The following MYO1E variants were observed in gnomAD, a reference collection of about 807,000 sequenced individuals.
The protein encoded by MYO1E is myosin IE, also known as unconventional myosin-Ie.
A neutral mutation model predicts 151.1 loss-of-function variants in MYO1E; 68 were observed. The ratio of observed to expected loss-of-function variants is 0.45; its 90% CI spans 0.37 to 0.55. The LOEUF (loss-of-function observed/expected upper bound fraction) is 0.55. Ranked by LOEUF, MYO1E falls within the 20% of genes least tolerant of loss-of-function variation. The pLI is 0.00. For synonymous variants in MYO1E, 601 were observed against 501.7 expected, an observed-to-expected ratio of 1.20 and a Z score of -2.64; for missense variants, 1,363 against 1,389.3, an observed-to-expected ratio of 0.98 and a Z score of 0.30.
intron 18 of MYO1E, among the ~76,000 whole-genome samples, chr15:59,187,682 G>A (rs185432778): frequency 6.6e-5 from 10 of 152,294 alleles, no homozygotes; most frequent in Admixed American, 5.2e-4. Flanking sequence ...AACAACTGAC[G>A]TTTATCAACT....
chr15:59,189,161 G>A (rs1198681694), intron 17 of MYO1E, among the ~76,000 whole-genome samples: 2 of 152,070 alleles, frequency 1.3e-5, no homozygotes, highest in East Asian at 3.9e-4. Context: ...CCAGGCTCAG[G>A]TGATCCTCCT....
Position 59,314,007 on chromosome 15 carries a change from A to G in MYO1E, c.4-41558T>C, listed in dbSNP as rs538788372. On this transcript the variant is annotated intron_variant, in intron 1 of 27. Transcript: ENST00000288235. Reference sequence around the variant, plus strand: ...TGCCAGCTAAACCTGCTCTGCAAACACAAGTGACTGCATCATTCATGCTTT... The same window carrying G: ...TGCCAGCTAAACCTGCTCTGCAAACGCAAGTGACTGCATCATTCATGCTTT... Among the ~76,000 whole-genome samples the G allele has an allele frequency of 2.5e-4, 38 of 152,346 alleles. 1 individual carries two copies. Among genetic ancestry groups the G allele is most frequent in the African/African-American group, 8.4e-4 (35 of 41,584 alleles).
At chr15:59,224,096 A>G (rs1000705087) in intron 8 of MYO1E, among the ~76,000 whole-genome samples, 1 of 152,230 alleles carries the variant, frequency 6.6e-6, no homozygotes, top group Non-Finnish European at 1.5e-5. Flanking sequence ...TTTGAGGCCA[A>G]GTGGGTGTTC....
rs2079372178 is a variant in MYO1E at position 59,136,258 on chromosome 15, C to CTATT, written c.*1118_*1121dup. The CTATT allele has an allele frequency of 6.4e-6, 1 of 155,872 alleles. No individual in the cohort carries two copies. Among genetic ancestry groups the CTATT allele is most frequent in the Non-Finnish European group, 1.4e-5 (1 of 70,038 alleles). 9.7% of individuals were successfully genotyped at this position (155,872 alleles called of 1,614,324 possible). On this transcript the variant is annotated 3_prime_UTR_variant, in exon 28 of 28. Transcript: ENST00000288235. ...TTTGTTTGTTTGCTCCATAAAGACT[C>CTATT]TATTTCCAAATAAGGTCATATTGTG... is the stretch of plus-strand genomic sequence containing the variant.
At chr15:59,245,833 T>C (rs1277757183) in intron 4 of MYO1E, among the ~76,000 whole-genome samples, 1 of 152,232 alleles carries the variant, frequency 6.6e-6, no homozygotes, top group African/African-American at 2.4e-5. Context: ...GGCCACATTG[T>C]CAAGATCTTG....
At chr15:59,293,841 G>A (rs982626350) in intron 1 of MYO1E, among the ~76,000 whole-genome samples, 5 of 152,154 alleles carry the variant, frequency 3.3e-5, no homozygotes, top group Non-Finnish European at 5.9e-5. Flanking sequence ...CTAGGAGTTT[G>A]AGACTAGCCT....
intron 18 of MYO1E, among the ~76,000 whole-genome samples, chr15:59,183,292 G>A (rs2079675501): frequency 6.6e-6 from 1 of 151,750 alleles, no homozygotes; most frequent in Non-Finnish European, 1.5e-5. Flanking sequence ...TTTCAGAACT[G>A]GTTTCTCAAA....
Position 59,256,343 on chromosome 15 carries a change from A to T in MYO1E, c.273T>A (p.Leu91=). 6.2e-7 allele frequency: 1 copy of T among 1,612,868 alleles called. No homozygotes were observed. The highest frequency in any genetic ancestry group is 8.5e-7 in the Non-Finnish European group (1 of 1,179,038). The change falls in exon 4 of 28, where the codon CTT becomes CTA. Residue 91 remains leucine, a synonymous_variant. Coordinates refer to ENST00000288235, the MANE Select transcript of MYO1E (RefSeq NM_004998.4). ...QYENPPHIYA[L]ADNMYRNMII... ...TCATGTTTCTGTACATATTATCTGC[A>T]AGGGCATAGATATGTGGTGGGTTTT...
chr15:59,205,964 C>T lies in MYO1E; in HGVS notation c.1531-479G>A, dbSNP rs566227840. 6.0e-4 allele frequency among the ~76,000 whole-genome samples: 92 copies of T among 152,116 alleles called. 2 individuals carry two copies. The highest frequency in any genetic ancestry group is 6.8e-3 in the Middle Eastern group (2 of 294). On this transcript the variant is annotated intron_variant, in intron 14 of 27. Transcript: ENST00000288235. ...TCCCAGAAGTGGTATCAAAGTTGCA[C>T]CAATCTGGCCAGAAACTCATGCTCA...
In MYO1E at chr15:59,153,767, CTGATGACTCCGT is replaced by C. The variant is rs1368578977; in HGVS notation, c.2891_2902del (p.Asn964_Ile967del). ...ATGGGGATATGGCACATACTGGTTT[CTGATGACTCCGT>C]TCTGATGGTATCCTAGAGAGAGGAA... On this transcript the variant is annotated inframe_deletion, in exon 26 of 28. Coordinates refer to ENST00000288235, the MANE Select transcript of MYO1E (RefSeq NM_004998.4). The C allele has an allele frequency of 6.2e-7, 1 of 1,613,986 alleles. No individual in the cohort carries two copies. Among genetic ancestry groups the C allele is most frequent in the African/African-American group, 1.3e-5 (1 of 75,044 alleles).
chr15:59,296,811 A>C, intron 1 of MYO1E, among the ~76,000 whole-genome samples: 1 of 151,622 alleles, frequency 6.6e-6, no homozygotes, highest in Non-Finnish European at 1.5e-5. Context: ...CAGTTACACA[A>C]ATATACAAAG....
At chr15:59,275,781 T>C (rs1174835090) in intron 1 of MYO1E, among the ~76,000 whole-genome samples, 1 of 152,154 alleles carries the variant, frequency 6.6e-6, no homozygotes, top group Non-Finnish European at 1.5e-5. Flanking sequence ...GTGATATGGT[T>C]ATCAGCAAAG....
chr15:59,303,904 TTA>T (rs1442245239), intron 1 of MYO1E, among the ~76,000 whole-genome samples: 1 of 152,126 alleles, frequency 6.6e-6, no homozygotes, highest in African/African-American at 2.4e-5. Context: ...CCTTTCACAG[TTA>T]AGAGTTTCCA....
Position 59,136,866 on chromosome 15 carries a change from G to A in MYO1E, c.*514C>T, listed in dbSNP as rs1444948158. 3 of 428,342 alleles carry A rather than the reference G, an allele frequency of 7.0e-6. No homozygotes were observed. The highest frequency in any genetic ancestry group is 2.6e-5 in the Admixed American group (1 of 38,360). The allele number at this position is 428,342 out of a possible 1,614,324, so 26.5% of individuals were successfully genotyped here. A position where few individuals can be genotyped will look rare whatever the true frequency, so the allele number is the denominator to read the frequency against. ...CAGCAGGCCAGCTTACCCTTGGCACGTACATGGGAAGTGCCTGCTCACGCT... is the reference window on the plus strand; with the variant it reads ...CAGCAGGCCAGCTTACCCTTGGCACATACATGGGAAGTGCCTGCTCACGCT... On this transcript the variant is annotated 3_prime_UTR_variant, in exon 28 of 28. Coordinates refer to ENST00000288235, the MANE Select transcript of MYO1E (RefSeq NM_004998.4).
At chr15:59,174,932 C>T (rs1363686909) in intron 19 of MYO1E, among the ~76,000 whole-genome samples, 3 of 152,116 alleles carry the variant, frequency 2.0e-5, no homozygotes, top group Non-Finnish European at 2.9e-5. Flanking sequence ...GGCCATTTTA[C>T]CAATGAATGC....
At chr15:59,262,523 C>G (rs4775141) in intron 2 of MYO1E, among the ~76,000 whole-genome samples, 149,857 of 152,322 alleles carry the variant, frequency 0.98, 73,767 homozygotes, top group East Asian at 1. Flanking sequence ...AGCTACTGGG[C>G]AGGCTGAGGC....
At chr15:59,152,204 C>G (rs1304357201) in intron 26 of MYO1E, among the ~76,000 whole-genome samples, 1 of 152,136 alleles carries the variant, frequency 6.6e-6, no homozygotes, top group African/African-American at 2.4e-5. Flanking sequence ...GCAGCCTGGG[C>G]AACAGAGCGA....
rs931864980 is a variant in MYO1E at position 59,135,670 on chromosome 15, G to T, written c.*1710C>A. The T allele has an allele frequency of 1.3e-5, 2 of 152,184 alleles. No individual in the cohort carries two copies. Among genetic ancestry groups the T allele is most frequent in the Admixed American group, 6.5e-5 (1 of 15,286 alleles). The allele number at this position is 152,184 out of a possible 1,614,324, so 9.4% of individuals were successfully genotyped here. A position where few individuals can be genotyped will look rare whatever the true frequency, so the allele number is the denominator to read the frequency against. On this transcript the variant is annotated 3_prime_UTR_variant, in exon 28 of 28. Transcript: ENST00000288235. ...GAAGTAAAACACAGCAGAATTAAAT[G>T]TATCTTCGTTTCAAATCTAGATCAA...
intron 1 of MYO1E, among the ~76,000 whole-genome samples, chr15:59,296,552 G>C (rs1163978183): frequency 6.6e-6 from 1 of 152,182 alleles, no homozygotes; most frequent in Non-Finnish European, 1.5e-5. Context: ...GGGCTTAATT[G>C]CCCTTGAAAC....
Sources: allele counts gnomAD v4.1 joint callset (sites outside exome capture counted in the v4.1 genomes callset), GRCh38; gene constraint gnomAD v4.1.1; transcripts MANE v1.5; gene names NCBI Gene and HGNC (gene_info 2026-07-23, HGNC 2026-07-21).